Variants in ASH1L observed in about 807,000 individuals in gnomAD.
ASH1L encodes histone-lysine N-methyltransferase ASH1L.
Under a neutral mutation model 269.0 loss-of-function variants are expected in ASH1L, and 23 were observed. That is an observed-to-expected ratio of 0.09 (90% CI 0.06 to 0.12). The LOEUF is 0.12. Ranked by LOEUF, ASH1L falls within the 10% of genes least tolerant of loss-of-function variation. ASH1L has a pLI of 1.00. For missense variants in ASH1L, 2,912 were observed against 3,567.8 expected (o/e 0.82, Z 4.68); for synonymous variants, 1,187 against 1,253.5 (o/e 0.95, Z 1.12).
intron 5 of ASH1L, among the ~76,000 whole-genome samples, chr1:155,437,505 T>G (rs1662198752): frequency 6.6e-6 from 1 of 152,208 alleles, no homozygotes; most frequent in Non-Finnish European, 1.5e-5. Context: ...GAAATCTTTG[T>G]GCATGCAAAA....
chr1:155,404,119 T>C (rs1172006300), intron 6 of ASH1L, among the ~76,000 whole-genome samples: 1 of 149,868 alleles, frequency 6.7e-6, no homozygotes, highest in East Asian at 1.9e-4. Flanking sequence ...TCCTAGCACT[T>C]TGGGAGGCCA....
intron 10 of ASH1L, among the ~76,000 whole-genome samples, chr1:155,372,626 A>G (rs192961356): frequency 6.7e-6 from 1 of 148,862 alleles, no homozygotes; most frequent in Admixed American, 6.7e-5. Flanking sequence ...TTTTTAATTA[A>G]AGAGGGGGAA....
intron 4 of ASH1L, among the ~76,000 whole-genome samples, chr1:155,443,454 C>T (rs1474276645): frequency 6.6e-6 from 1 of 152,144 alleles, no homozygotes. Flanking sequence ...TGGTAAAGTA[C>T]CACATAAAAT....
intron 3 of ASH1L, among the ~76,000 whole-genome samples, chr1:155,476,335 G>A (rs532304130): frequency 6.6e-5 from 10 of 151,706 alleles, no homozygotes; most frequent in Non-Finnish European, 1.2e-4. Context: ...GCAGTGAGCC[G>A]AGATTGCACC....
At position 155,562,285 on chromosome 1, in the gene ASH1L, G is replaced by A. The variant is rs758452108; in HGVS notation, c.-232C>T. 1.1e-4 allele frequency: 182 copies of A among 1,604,218 alleles called. No homozygotes were observed. The highest frequency in any genetic ancestry group is 8.3e-4 in the Middle Eastern group (5 of 6,034). On this transcript the variant is annotated 5_prime_UTR_variant, in exon 1 of 28. Transcript: ENST00000392403. ...TCCCGCTTGTCAGGAGGCGGCCAGC[G>A]GGTAAGCTGACTGGCGGAAATGCGA...
chr1:155,548,659 T>C (rs1670993606), intron 1 of ASH1L, among the ~76,000 whole-genome samples: 1 of 152,218 alleles, frequency 6.6e-6, no homozygotes, highest in Admixed American at 6.6e-5. Flanking sequence ...AGATTCTCTT[T>C]TAGTTCTGGT....
intron 12 of ASH1L, chr1:155,370,111 C>T (rs945122690): frequency 2.1e-5 from 4 of 187,628 alleles, no homozygotes; most frequent in Admixed American, 5.5e-5. Flanking sequence ...GCTATGTTGC[C>T]CAGACTGGCC....
At chr1:155,364,631 T>C (rs1294342310) in intron 12 of ASH1L, among the ~76,000 whole-genome samples, 3 of 152,066 alleles carry the variant, frequency 2.0e-5, no homozygotes, top group Admixed American at 6.6e-5. Context: ...ACCCATTCTT[T>C]TACCTATTTT....
chr1:155,438,439 G>A lies in ASH1L; in HGVS notation c.5716C>T (p.Leu1906=). The A allele has an allele frequency of 6.2e-7, 1 of 1,613,898 alleles. No individual in the cohort carries two copies. Among genetic ancestry groups the A allele is most frequent in the South Asian group, 1.1e-5 (1 of 91,026 alleles). The change falls in exon 5 of 28, where the codon CTG becomes TTG. Residue 1906 remains leucine (L), a synonymous_variant. Coordinates refer to ENST00000392403, the MANE Select transcript of ASH1L (RefSeq NM_018489.3). ...AACCCCTTTTTATGTTCTGGGTTCA[G>A]ATTTACACTCTGAACAACAGCCTCA... is the stretch of plus-strand genomic sequence containing the variant. ...VIEAVVQSVN[L]NPEHKKGLKR...
intron 3 of ASH1L, among the ~76,000 whole-genome samples, chr1:155,463,846 G>A (rs1282799064): frequency 1.3e-5 from 2 of 151,982 alleles, no homozygotes; most frequent in African/African-American, 4.8e-5. Flanking sequence ...TACCCAGTAG[G>A]GAGCTAGAAC....
At chr1:155,385,838 T>C (rs1212573766) in intron 7 of ASH1L, among the ~76,000 whole-genome samples, 2 of 152,116 alleles carry the variant, frequency 1.3e-5, no homozygotes, top group Non-Finnish European at 2.9e-5. Flanking sequence ...CACTGAAACC[T>C]GAGTGTTGGG....
chr1:155,461,304 AAT>A (rs1664281516), intron 3 of ASH1L, among the ~76,000 whole-genome samples: 2 of 152,318 alleles, frequency 1.3e-5, no homozygotes, highest in South Asian at 4.1e-4. Context: ...CATTGCTGTA[AAT>A]AGTCTTTTAG....
At chr1:155,553,874 G>A (rs889074422) in intron 1 of ASH1L, among the ~76,000 whole-genome samples, 4 of 150,424 alleles carry the variant, frequency 2.7e-5, no homozygotes, top group Non-Finnish European at 5.9e-5. Context: ...TCGGCTCACC[G>A]CAACCTCTAC....
chr1:155,373,456 T>TA (rs112177660), intron 10 of ASH1L, among the ~76,000 whole-genome samples: 3 of 149,746 alleles, frequency 2.0e-5, no homozygotes, highest in Admixed American at 6.7e-5. Context: ...TCTGACTACT[T>TA]AAAAAAAAAA....
At chr1:155,411,371 T>C (rs1234664077) in intron 6 of ASH1L, among the ~76,000 whole-genome samples, 1 of 151,532 alleles carries the variant, frequency 6.6e-6, no homozygotes, top group African/African-American at 2.4e-5. Flanking sequence ...CATAAAGTGA[T>C]ATTTCAGTCC....
chr1:155,541,585 T>G (rs1457701303), intron 1 of ASH1L, among the ~76,000 whole-genome samples: 2 of 152,144 alleles, frequency 1.3e-5, no homozygotes, highest in Non-Finnish European at 2.9e-5. Flanking sequence ...TAGACAAATT[T>G]TTTACTCAAC....
intron 6 of ASH1L, among the ~76,000 whole-genome samples, chr1:155,413,816 T>C (rs1423683224): frequency 6.6e-6 from 1 of 152,058 alleles, no homozygotes; most frequent in African/African-American, 2.4e-5. Flanking sequence ...TTATGAACTT[T>C]GAACTACATA....
chr1:155,488,139 C>T (rs181044640), intron 2 of ASH1L, among the ~76,000 whole-genome samples: 14 of 151,960 alleles, frequency 9.2e-5, no homozygotes, highest in Admixed American at 8.5e-4. Flanking sequence ...CCCGCCTCAG[C>T]CTCCCAAAGT....
At chr1:155,510,732 A>G (rs1203739718) in intron 2 of ASH1L, among the ~76,000 whole-genome samples, 1 of 152,118 alleles carries the variant, frequency 6.6e-6, no homozygotes, top group Non-Finnish European at 1.5e-5. Context: ...TGATTCTCCA[A>G]GCGAAGATGA....
Sources: gnomAD v4.1 joint callset for allele counts (sites outside exome capture counted in the v4.1 genomes callset) on GRCh38, gnomAD v4.1.1 for gene constraint, MANE v1.5 for transcripts, NCBI Gene and HGNC (gene_info 2026-07-23, HGNC 2026-07-21) for gene names.